ZFHX3: variants seen among roughly 807,000 people sequenced by gnomAD.
The protein encoded by ZFHX3 is zinc finger homeobox 3.
In ZFHX3, 42 loss-of-function variants were observed where a neutral mutation model predicts 279.1. That is an observed-to-expected ratio of 0.15 (90% CI 0.12 to 0.19). The LOEUF is 0.19. ZFHX3 is among the 10% of genes least tolerant of loss of function. The pLI, the probability that ZFHX3 is intolerant of heterozygous loss-of-function variation, is 1.00. For missense variants in ZFHX3, 4,981 were observed against 4,754.0 expected (o/e 1.05, Z -1.40); for synonymous variants, 2,293 against 1,957.8 (o/e 1.17, Z -4.52).
chr16:73,431,845 G>T (rs2017917094), intron 3 of ZFHX3, among the ~76,000 whole-genome samples: 1 of 152,104 alleles, frequency 6.6e-6, no homozygotes, highest in Non-Finnish European at 1.5e-5. Flanking sequence ...GGGACAAGCT[G>T]GGGTCTCCCA....
chr16:73,080,827 C>T (rs1216905877), intron 8 of ZFHX3, among the ~76,000 whole-genome samples: 7 of 152,276 alleles, frequency 4.6e-5, no homozygotes, highest in Middle Eastern at 3.4e-3. Flanking sequence ...GCAATCCTCC[C>T]GCCTTGGCCT....
intron 2 of ZFHX3, among the ~76,000 whole-genome samples, chr16:73,646,730 T>C (rs987109012): frequency 6.6e-6 from 1 of 152,142 alleles, no homozygotes; most frequent in Non-Finnish European, 1.5e-5. Flanking sequence ...TGAAAGATTG[T>C]CTAAGAAAAT....
chr16:73,466,073 C>G (rs2018565683), intron 2 of ZFHX3, among the ~76,000 whole-genome samples: 1 of 151,918 alleles, frequency 6.6e-6, no homozygotes. Context: ...AAAACATTGT[C>G]ATAGGAAACA....
chr16:73,029,241 G>T (rs1964614148), intron 1 of ZFHX3, among the ~76,000 whole-genome samples: 1 of 152,132 alleles, frequency 6.6e-6, no homozygotes, highest in Non-Finnish European at 1.5e-5. Context: ...CCTCCCAAAT[G>T]CAGCTAGCAT....
At chr16:73,744,894 T>A (rs1405127624) in intron 1 of ZFHX3, among the ~76,000 whole-genome samples, 1 of 152,196 alleles carries the variant, frequency 6.6e-6, no homozygotes, top group Non-Finnish European at 1.5e-5. Flanking sequence ...CAAACGAGAT[T>A]GGATTAAATC....
At chr16:73,401,018 T>C (rs1057206517) in intron 3 of ZFHX3, 3 of 152,074 alleles carry the variant, frequency 2.0e-5, no homozygotes, top group African/African-American at 7.2e-5. Flanking sequence ...AGGAAGGCCC[T>C]CATGAAAGGA....
upstream of ZFHX3, among the ~76,000 whole-genome samples, chr16:73,052,501 T>C (rs62055076): frequency 0.027 from 4,134 of 152,234 alleles, 63 homozygotes; most frequent in South Asian, 0.063. Flanking sequence ...TTTTAGGGCA[T>C]TTGGGTTCAA....
At chr16:72,981,685 C>A (rs552692826) in intron 1 of ZFHX3, among the ~76,000 whole-genome samples, 1 of 152,130 alleles carries the variant, frequency 6.6e-6, no homozygotes, top group South Asian at 2.1e-4. Context: ...CCATACCCAC[C>A]CCCAACATCC....
intron 1 of ZFHX3, among the ~76,000 whole-genome samples, chr16:73,890,255 C>CAA (rs779097957): frequency 1.5e-5 from 2 of 136,114 alleles, no homozygotes; most frequent in South Asian, 2.3e-4. Flanking sequence ...AAAAAAAAAA[C>CAA]AACAAAAAAA....
intron 1 of ZFHX3, among the ~76,000 whole-genome samples, chr16:73,026,106 G>A (rs1007389424): frequency 1.4e-5 from 2 of 147,406 alleles, no homozygotes; most frequent in East Asian, 4.2e-4. Flanking sequence ...GAGCACTTAG[G>A]GAAGCAGAGG....
At chr16:73,480,811 T>C (rs2018852610) in intron 2 of ZFHX3, among the ~76,000 whole-genome samples, 1 of 152,320 alleles carries the variant, frequency 6.6e-6, no homozygotes, top group South Asian at 2.1e-4. Flanking sequence ...TCTACACACA[T>C]TGGCCCTTAT....
chr16:73,093,707 C>A, intron 7 of ZFHX3: 1 of 239,878 alleles, frequency 4.2e-6, no homozygotes, highest in South Asian at 5.1e-5. Context: ...CACCATAATG[C>A]CCTCCTGGCG....
intron 3 of ZFHX3, among the ~76,000 whole-genome samples, chr16:72,902,012 G>A (rs58953900): frequency 0.022 from 3,328 of 152,272 alleles, 54 homozygotes; most frequent in Middle Eastern, 0.058. Context: ...ACCAGCAAGC[G>A]CAGCCAGCAA....
rs138320734 is a variant in ZFHX3, at chr16:73,387,945, C to T, written c.-1291+68058G>A. Among the ~76,000 whole-genome samples the T allele has an allele frequency of 1.5e-4, 23 of 151,902 alleles. No individual in the cohort carries two copies. The East Asian group carries it at 2.0e-3, about 13-fold the overall frequency. Reference sequence around the variant, plus strand: ...AGTTAAAGGGATACCAATTTTTAAACGCTCTGCCAAGCTGAAGATGGAGAG... The same window carrying T: ...AGTTAAAGGGATACCAATTTTTAAATGCTCTGCCAAGCTGAAGATGGAGAG... On this transcript the variant is annotated intron_variant, in intron 3 of 17. Transcript: ENST00000641206.
intron 1 of ZFHX3, among the ~76,000 whole-genome samples, chr16:73,021,707 T>C (rs778887920): frequency 6.6e-6 from 1 of 151,598 alleles, no homozygotes; most frequent in Non-Finnish European, 1.5e-5. Flanking sequence ...GGCGGGCACC[T>C]ATAATCCCGG....
At chr16:73,058,522 C>T in intron 1 of ZFHX3, 1 of 157,360 alleles carries the variant, frequency 6.4e-6, no homozygotes, top group Non-Finnish European at 1.3e-5. Context: ...GGAAAAGTTG[C>T]CACTTACGCG....
chr16:73,798,578 CACAG>C (rs1056205347), intron 1 of ZFHX3, among the ~76,000 whole-genome samples: 1 of 126,660 alleles, frequency 7.9e-6, no homozygotes, highest in African/African-American at 3.4e-5. Flanking sequence ...GGTGCACACA[CACAG>C]ACACACACAC....
rs57427757 is a variant in ZFHX3, at chr16:73,546,671, TTGCTGCTGCTGCTGCTGCTGCTGCTGC to T, written c.-1546-90440_-1546-90414del. 8.0e-3 allele frequency among the ~76,000 whole-genome samples: 1,143 copies of T among 143,520 alleles called. 19 individuals are homozygous for T. Among genetic ancestry groups the T allele is most frequent in the African/African-American group, 0.02 (798 of 38,982 alleles). The allele number at this position is 143,520 out of a possible 152,430, so 94.2% of individuals were successfully genotyped here. A position where few individuals can be genotyped will look rare whatever the true frequency, so the allele number is the denominator to read the frequency against. On this transcript the variant is annotated intron_variant, in intron 2 of 17. Coordinates refer to the ZFHX3 transcript ENST00000641206. ...TGAGAAAAAGCTTTGGGTGCTGCTG[TTGCTGCTGCTGCTGCTGCTGCTGCTGC>T]TGCTGCTGCTGCTGCTGCTGCTGCT...
chr16:72,798,040 T>C lies in ZFHX3; in HGVS notation c.4642A>G (p.Thr1548Ala). Residue 1548 changes from threonine to alanine, a missense_variant, in exon 9 of 10, where the codon ACC becomes GCC. Coordinates refer to ENST00000268489, the MANE Select transcript of ZFHX3 (RefSeq NM_006885.4). ...FLDPSRPYKC[T>A]VCKESFTQKN... is the part of the protein sequence containing the mutation. ...TGAGTGAAAGATTCCTTGCAGACGG[T>C]ACACTTGTAAGGGCGAGAAGGGTCT... The C allele has an allele frequency of 6.2e-7, 1 of 1,614,228 alleles. No homozygotes were observed. Among genetic ancestry groups the C allele is most frequent in the South Asian group, 1.1e-5 (1 of 91,076 alleles).
Sources: allele counts gnomAD v4.1 joint callset (sites outside exome capture counted in the v4.1 genomes callset), GRCh38; gene constraint gnomAD v4.1.1; transcripts MANE v1.5; gene names NCBI Gene and HGNC (gene_info 2026-07-23, HGNC 2026-07-21).